Variants in TGM7 observed in about 807,000 individuals in gnomAD.
TGM7 encodes transglutaminase 7, also known as protein-glutamine gamma-glutamyltransferase Z.
TGM7 carries 74 observed loss-of-function variants against 79.5 expected under a neutral mutation model. The observed-to-expected ratio is 0.93, with a 90% CI of 0.77 to 1.13. The LOEUF is 1.13. Ranked by LOEUF, TGM7 falls within the 50% of genes most tolerant of loss-of-function variation. The pLI is 0.00. For missense variants in TGM7, 912 were observed against 905.9 expected, an observed-to-expected ratio of 1.01 and a Z score of -0.09; for synonymous variants, 354 against 362.5, an observed-to-expected ratio of 0.98 and a Z score of 0.27.
rs1566847989 is a variant in TGM7 at position 43,297,625 on chromosome 15, GAA to G, written c.11-3996_11-3995del. Among the ~76,000 whole-genome samples the G allele has an allele frequency of 8.3e-4, 125 of 151,406 alleles. 1 individual carries two copies. Among genetic ancestry groups the G allele is most frequent in the African/African-American group, 2.5e-3 (104 of 41,088 alleles). On this transcript the variant is annotated intron_variant, in intron 1 of 12. Coordinates refer to ENST00000452443, the MANE Select transcript of TGM7 (RefSeq NM_052955.3). Reference sequence around the variant, plus strand: ...AGAAAGAAAGAAAGAAAGAAAGAAAGAAAGAAAGAAAAAGAAAGAAAGAAAAA... The same window carrying G: ...AGAAAGAAAGAAAGAAAGAAAGAAAGAGAAAGAAAAAGAAAGAAAGAAAAA...
chr15:43,276,802 G>A (rs1181685301), intron 12 of TGM7, 60 bp downstream of exon 12: 10 of 1,592,318 alleles, frequency 6.3e-6, no homozygotes, highest in East Asian at 2.2e-5. Flanking sequence ...GTCCTGTGAC[G>A]CCATGGGGCA....
In TGM7 at chr15:43,293,535, C is replaced by T. The variant is rs150218635; in HGVS notation, c.107G>A (p.Arg36His). 2.9e-5 allele frequency: 47 copies of T among 1,609,282 alleles called. No homozygotes were observed. In the African/African-American group the frequency reaches 6.0e-4, roughly 21 times the overall value. The part of the protein sequence containing the change: ...QEMGVKRLTV[R>H]RGQPFYLRLS... ...CCGGAGGTAGAAGGGCTGGCCGCGG[C>T]GCACAGTGAGCCGCTTGACGCCCAT... The change falls in exon 2 of 13, where the codon CGC (arginine) becomes CAC (histidine). Residue 36 changes from arginine (R) to histidine (H), a missense_variant. Physicochemically the swap from Arg to His is conservative, Grantham distance 29. Transcript: ENST00000452443.
At chr15:43,292,590 G>T in intron 3 of TGM7, 119 bp downstream of exon 3, 2 of 1,251,278 alleles carry the variant, frequency 1.6e-6, no homozygotes, top group Non-Finnish European at 2.2e-6. Context: ...TTTTGTGAGA[G>T]CACACGCTAC....
intron 4 of TGM7, among the ~76,000 whole-genome samples, chr15:43,288,813 C>T (rs565010337): frequency 1.3e-5 from 2 of 152,160 alleles, no homozygotes; most frequent in East Asian, 1.9e-4. Flanking sequence ...ACCTGTAGTC[C>T]TAGTTACTCA....
At position 43,298,862 on chromosome 15, in the gene TGM7, G is replaced by A. The variant is rs79895233; in HGVS notation, c.10+3379C>T. 6.1e-3 allele frequency among the ~76,000 whole-genome samples: 921 copies of A among 152,122 alleles called. 8 individuals carry two copies. The highest frequency in any genetic ancestry group is 0.021 in the African/African-American group (870 of 41,516). ...TTTTTCTTAAAAAATAATAATTTGT[G>A]TACAAAACTTAAGCATAAAAATGTT... On this transcript the variant is annotated intron_variant, in intron 1 of 12. Coordinates refer to ENST00000452443, the MANE Select transcript of TGM7 (RefSeq NM_052955.3).
intron 1 of TGM7, among the ~76,000 whole-genome samples, chr15:43,296,592 G>A (rs904658015): frequency 2.0e-5 from 3 of 152,128 alleles, no homozygotes; most frequent in Admixed American, 2.0e-4. Flanking sequence ...AATGATCATA[G>A]ATCCAAAAGA....
In TGM7 at chr15:43,276,462, GC is replaced by G. The variant is rs2042877736; in HGVS notation, c.2125del (p.Ala709LeufsTer42). The G allele has an allele frequency of 6.2e-7, 1 of 1,612,636 alleles. No homozygotes were observed. The highest frequency in any genetic ancestry group is 8.5e-7 in the Non-Finnish European group (1 of 1,179,272). Reference protein sequence around the residue: ...YKDIFVTVAGAP With the variant: ...YKDIFVTVAGXP ...GCAGCTGGAGGGCGGGTCTCAGGGA[GC>G]CCCAGCCACAGTGACGAAGATGTCC... On this transcript the variant is annotated frameshift_variant, in exon 13 of 13. Transcript: ENST00000452443. LOFTEE classifies it high-confidence loss of function.
intron 6 of TGM7, among the ~76,000 whole-genome samples, chr15:43,285,437 GA>G (rs2042930566): frequency 6.6e-6 from 1 of 152,210 alleles, no homozygotes; most frequent in Non-Finnish European, 1.5e-5. Flanking sequence ...TAGGGAGGCT[GA>G]AAATTTAGTT....
chr15:43,289,862 C>G (rs1049214488), intron 4 of TGM7, among the ~76,000 whole-genome samples: 2 of 152,136 alleles, frequency 1.3e-5, no homozygotes, highest in Non-Finnish European at 2.9e-5. Context: ...TAAATGTCTT[C>G]TTTTGAGAAG....
At chr15:43,290,674 G>A (rs1414426826) in intron 4 of TGM7, among the ~76,000 whole-genome samples, 13 of 152,094 alleles carry the variant, frequency 8.5e-5, no homozygotes, top group Non-Finnish European at 1.3e-4. Flanking sequence ...CATTTTCACA[G>A]TACTGATTCT....
rs775546058 is a variant in TGM7 at position 43,279,752 on chromosome 15, G to A, written c.1551C>T (p.Asp517=). The A allele has an allele frequency of 5.6e-6, 9 of 1,614,084 alleles. No homozygotes were observed. Among genetic ancestry groups the A allele is most frequent in the Admixed American group, 1.7e-5 (1 of 60,036 alleles). ...QLLLRIQRVP[D]STHPRGPIGL... The stretch of plus-strand genomic sequence containing the variant: ...CGATGGGCCCCCGAGGGTGGGTGCT[G>A]TCTGGCACCCTCTGGATACGCAGCA... Residue 517 remains aspartate (D), a synonymous_variant, in exon 10 of 13, where the codon GAC becomes GAT. Coordinates refer to ENST00000452443, the MANE Select transcript of TGM7 (RefSeq NM_052955.3).
At chr15:43,276,645 C>G (rs200044513) in intron 12 of TGM7, 31 bp from the exon 13 acceptor site, 2 of 1,599,254 alleles carry the variant, frequency 1.3e-6, no homozygotes, top group East Asian at 4.5e-5. Context: ...GTGAGAGCCT[C>G]GAGGACTTCC....
At position 43,287,378 on chromosome 15, in the gene TGM7, C is replaced by T; in HGVS notation, c.767G>A (p.Trp256Ter). ...CTGTAGGATGGCCACACTGCCCTTC[C>T]ACTCCAGAGGACTGACCCCTTTGGA... is the stretch of plus-strand genomic sequence containing the variant. ...DYSKGVSPLEWKGSVAILQQW... is the reference protein window; with the variant it reads ...DYSKGVSPLE The change falls in exon 6 of 13, where the codon TGG becomes TAG. Residue 256 changes from tryptophan to a stop codon, truncating the protein, a stop_gained. Transcript: ENST00000452443. LOFTEE classifies it high-confidence loss of function. 1 of 1,614,204 alleles carries T rather than the reference C, an allele frequency of 6.2e-7. No individual in the cohort carries two copies. The highest frequency in any genetic ancestry group is 1.1e-5 in the South Asian group (1 of 91,086).
In TGM7 at chr15:43,282,102, G is replaced by T; in HGVS notation, c.1109-16C>A. The T allele has an allele frequency of 6.2e-7, 1 of 1,612,448 alleles. No individual in the cohort carries two copies. On this transcript the variant is annotated splice_polypyrimidine_tract_variant and intron_variant, in intron 8 of 12. Coordinates refer to ENST00000452443, the MANE Select transcript of TGM7 (RefSeq NM_052955.3). ...CAGAACAGCCCTGTGGAGGCAACAGGCTACTGATATGGGGGCCAGGGGCAG... is the reference window on the plus strand; with the variant it reads ...CAGAACAGCCCTGTGGAGGCAACAGTCTACTGATATGGGGGCCAGGGGCAG...
intron 3 of TGM7, among the ~76,000 whole-genome samples, chr15:43,292,329 T>G (rs931815334): frequency 6.6e-6 from 1 of 152,154 alleles, no homozygotes; most frequent in Admixed American, 6.5e-5. Flanking sequence ...ATTGTAAAAG[T>G]GACTGATTGT....
At chr15:43,294,062 G>A (rs776664872) in intron 1 of TGM7, among the ~76,000 whole-genome samples, 1 of 152,030 alleles carries the variant, frequency 6.6e-6, no homozygotes, top group East Asian at 1.9e-4. Context: ...CTGAAGTGCC[G>A]CTGCATGCTC....
chr15:43,283,906 C>T (rs2042921726), intron 7 of TGM7, among the ~76,000 whole-genome samples: 1 of 152,208 alleles, frequency 6.6e-6, no homozygotes, highest in Admixed American at 6.5e-5. Flanking sequence ...TCTTACACAA[C>T]TCAAGGAATC....
chr15:43,277,139 G>T, intron 11 of TGM7, 144 bp from the exon 12 acceptor site: 1 of 1,036,680 alleles, frequency 9.6e-7, no homozygotes, highest in East Asian at 2.5e-5. Flanking sequence ...GGAGGAATGT[G>T]AGCTGAGAGT....
At position 43,293,593 on chromosome 15, in the gene TGM7, A is replaced by T; in HGVS notation, c.49T>A (p.Ser17Thr). 6.2e-7 allele frequency: 1 copy of T among 1,609,096 alleles called. No individual in the cohort carries two copies. Residue 17 changes from serine (S) to threonine (T), a missense_variant, in exon 2 of 13, where the codon TCC becomes ACC. Coordinates refer to ENST00000452443, the MANE Select transcript of TGM7 (RefSeq NM_052955.3). ...LRLESVDLQS[S>T]RNNKEHHTQE... ...GTGTGGTGCTCCTTGTTGTTCCTGG[A>T]GCTCTGCAGGTCGACAGACTCAAGC... is the stretch of plus-strand genomic sequence containing the variant.
Sources: gnomAD v4.1 joint callset for allele counts (sites outside exome capture counted in the v4.1 genomes callset) on GRCh38, gnomAD v4.1.1 for gene constraint, MANE v1.5 for transcripts, NCBI Gene and HGNC (gene_info 2026-07-23, HGNC 2026-07-21) for gene names.